Variants in WWOX observed in about 807,000 individuals in gnomAD.
The protein encoded by WWOX is WW domain-containing oxidoreductase.
Under a neutral mutation model 46.2 loss-of-function variants are expected in WWOX, and 69 were observed. The observed-to-expected ratio is 1.49, with a 90% CI of 1.23 to 1.82. WWOX has a LOEUF of 1.82. Ranked by LOEUF, WWOX falls within the 40% of genes most tolerant of loss-of-function variation. The probability of loss-of-function intolerance (pLI) is 0.00; values close to 1 mark genes in which losing one functional copy is unlikely to be tolerated. For missense variants in WWOX, 919 were observed against 542.6 expected (o/e 1.69, Z -6.89); for synonymous variants, 359 against 202.6 (o/e 1.77, Z -6.56).
chr16:78,397,941 C>T (rs769459493), intron 6 of WWOX, among the ~76,000 whole-genome samples: 1 of 152,180 alleles, frequency 6.6e-6, no homozygotes, highest in Non-Finnish European at 1.5e-5. Flanking sequence ...TATTTTCCAA[C>T]CAATCAAGAG....
chr16:78,662,670 G>A (rs1462819651), intron 8 of WWOX, among the ~76,000 whole-genome samples: 1 of 152,202 alleles, frequency 6.6e-6, no homozygotes, highest in Non-Finnish European at 1.5e-5. Context: ...TTCTTTGGAT[G>A]AAGAATTGAG....
chr16:78,673,455 C>CCTCTAA (rs1157010855), intron 8 of WWOX, among the ~76,000 whole-genome samples: 2 of 152,102 alleles, frequency 1.3e-5, no homozygotes, highest in African/African-American at 4.8e-5. Flanking sequence ...ACACCAGCAC[C>CCTCTAA]ATAACACGAA....
rs563617871 is a variant in WWOX, at chr16:78,422,665, A to G, written c.606-2205A>G. On this transcript the variant is annotated intron_variant, in intron 6 of 8. Coordinates refer to ENST00000566780, the MANE Select transcript of WWOX (RefSeq NM_016373.4). Reference sequence around the variant, plus strand: ...CCAGCCTCCTGTTTTTTTTACATGTATATATATATATATATATATACACAC... The same window carrying G: ...CCAGCCTCCTGTTTTTTTTACATGTGTATATATATATATATATATACACAC... Among the ~76,000 whole-genome samples, 138 of 54,044 alleles carry G rather than the reference A, an allele frequency of 2.6e-3. 1 individual carries two copies. The highest frequency in any genetic ancestry group is 7.5e-3 in the Middle Eastern group (1 of 134). 35.5% of individuals were successfully genotyped at this position (54,044 alleles called of 152,430 possible).
intron 5 of WWOX, among the ~76,000 whole-genome samples, chr16:78,294,903 G>T (rs2079919140): frequency 6.6e-6 from 1 of 152,178 alleles, no homozygotes; most frequent in Non-Finnish European, 1.5e-5. Flanking sequence ...ATGTATGAGT[G>T]GGTCAAGAAC....
At chr16:78,314,927 G>A (rs532897573) in intron 5 of WWOX, among the ~76,000 whole-genome samples, 5 of 151,950 alleles carry the variant, frequency 3.3e-5, no homozygotes, top group Non-Finnish European at 7.4e-5. Flanking sequence ...TCAGCTAGAA[G>A]GTCAGTTAAC....
chr16:78,383,724 A>T (rs534109076), intron 5 of WWOX, among the ~76,000 whole-genome samples: 1 of 152,154 alleles, frequency 6.6e-6, no homozygotes, highest in Non-Finnish European at 1.5e-5. Context: ...GACTTACTGT[A>T]TTGCCTCCAG....
chr16:78,615,643 A>C (rs539576593), intron 8 of WWOX, among the ~76,000 whole-genome samples: 1 of 152,124 alleles, frequency 6.6e-6, no homozygotes, highest in Non-Finnish European at 1.5e-5. Context: ...GCAACAGAGC[A>C]AGACCCCATT....
At chr16:78,258,242 AT>A (rs1171194870) in intron 5 of WWOX, among the ~76,000 whole-genome samples, 1 of 152,228 alleles carries the variant, frequency 6.6e-6, no homozygotes, top group African/African-American at 2.4e-5. Context: ...TAACAAAAAA[AT>A]TCCACTGTTT....
chr16:78,273,889 C>T (rs376837422), intron 5 of WWOX, among the ~76,000 whole-genome samples: 3 of 152,202 alleles, frequency 2.0e-5, no homozygotes, highest in African/African-American at 7.2e-5. Flanking sequence ...TGTGGGGCAC[C>T]CAAGTGGAAG....
At chr16:79,183,167 G>A (rs917972807) in intron 8 of WWOX, among the ~76,000 whole-genome samples, 4 of 152,240 alleles carry the variant, frequency 2.6e-5, no homozygotes, top group Non-Finnish European at 4.4e-5. Flanking sequence ...GAGCAGAGCA[G>A]GTGGCAGGCA....
chr16:78,469,293 C>T (rs544628833), intron 8 of WWOX, among the ~76,000 whole-genome samples: 17 of 152,306 alleles, frequency 1.1e-4, no homozygotes, highest in African/African-American at 4.1e-4. Context: ...AGACATTTCC[C>T]TTATGCAATT....
intron 8 of WWOX, among the ~76,000 whole-genome samples, chr16:79,144,116 C>T (rs1056345683): frequency 1.3e-5 from 2 of 152,172 alleles, no homozygotes; most frequent in Non-Finnish European, 2.9e-5. Context: ...CCAGGCTTGT[C>T]TTGAACTCCT....
chr16:78,874,209 T>C (rs940732842), intron 8 of WWOX, among the ~76,000 whole-genome samples: 2 of 144,202 alleles, frequency 1.4e-5, no homozygotes, highest in Non-Finnish European at 3.0e-5. Context: ...TGAGCTGAGA[T>C]GGCGCCGCTG....
chr16:78,286,852 A>C (rs1321927020), intron 5 of WWOX, among the ~76,000 whole-genome samples: 1 of 152,242 alleles, frequency 6.6e-6, no homozygotes, highest in Non-Finnish European at 1.5e-5. Context: ...TTAGTTTCAT[A>C]ACCACTCAAT....
intron 8 of WWOX, among the ~76,000 whole-genome samples, chr16:78,699,256 C>T (rs28625248): frequency 0.15 from 23,120 of 152,010 alleles, 5,108 homozygotes; most frequent in African/African-American, 0.49. Flanking sequence ...TCATGCAGCA[C>T]GGTGTGATGG....
intron 8 of WWOX, among the ~76,000 whole-genome samples, chr16:78,756,332 A>G (rs1415081404): frequency 6.6e-6 from 1 of 152,142 alleles, no homozygotes; most frequent in Admixed American, 6.5e-5. Flanking sequence ...AACAAAAAAA[A>G]ATCAATAAAA....
chr16:79,150,501 A>G (rs2050258017), intron 8 of WWOX, among the ~76,000 whole-genome samples: 1 of 152,202 alleles, frequency 6.6e-6, no homozygotes, highest in Non-Finnish European at 1.5e-5. Flanking sequence ...GACAGGAGAA[A>G]GTGCCAAAGA....
intron 8 of WWOX, among the ~76,000 whole-genome samples, chr16:78,760,519 C>T (rs1483731032): frequency 6.6e-6 from 1 of 152,206 alleles, no homozygotes; most frequent in Non-Finnish European, 1.5e-5. Flanking sequence ...GCCCAACACA[C>T]TCCTCAAACC....
rs191152295 is a variant in WWOX at position 78,276,867 on chromosome 16, C to G, written c.517-109993C>G. ...CCCCATTTTTCTTTGCATCTCCGAACTCTCATTAATTTTTCACAGGCTTGT... is the reference window on the plus strand; with the variant it reads ...CCCCATTTTTCTTTGCATCTCCGAAGTCTCATTAATTTTTCACAGGCTTGT... On this transcript the variant is annotated intron_variant, in intron 5 of 8. Coordinates refer to ENST00000566780, the MANE Select transcript of WWOX (RefSeq NM_016373.4). Among the ~76,000 whole-genome samples, 405 of 152,208 alleles carry G rather than the reference C, an allele frequency of 2.7e-3. 2 individuals carry two copies. Among genetic ancestry groups the G allele is most frequent in the African/African-American group, 9.6e-3 (397 of 41,518 alleles).
Sources: allele counts gnomAD v4.1 joint callset (sites outside exome capture counted in the v4.1 genomes callset), GRCh38; gene constraint gnomAD v4.1.1; transcripts MANE v1.5; gene names NCBI Gene and HGNC (gene_info 2026-07-23, HGNC 2026-07-21).